The following ECE1 variants were observed in gnomAD, a reference collection of about 807,000 sequenced individuals.
The protein encoded by ECE1 is endothelin-converting enzyme 1.
Under a neutral mutation model 98.6 loss-of-function variants are expected in ECE1, and 35 were observed. That is an observed-to-expected ratio of 0.35 (90% CI 0.27 to 0.47). The LOEUF is 0.47. ECE1 is among the 20% of genes least tolerant of loss of function. ECE1 has a pLI of 1.00. For synonymous variants in ECE1, 394 were observed against 407.1 expected, an observed-to-expected ratio of 0.97 and a Z score of 0.39; for missense variants, 814 against 1,025.3, an observed-to-expected ratio of 0.79 and a Z score of 2.81.
chr1:21,222,841 C>CAAAA (rs888811259), intron 17 of ECE1, among the ~76,000 whole-genome samples: 4 of 27,786 alleles, frequency 1.4e-4, no homozygotes, highest in Non-Finnish European at 2.5e-4. Context: ...GACCCTGTCT[C>CAAAA]AAAAAAAAAA....
chr1:21,280,639 A>G (rs1553364997), intron 2 of ECE1, among the ~76,000 whole-genome samples: 3 of 152,174 alleles, frequency 2.0e-5, no homozygotes, highest in Non-Finnish European at 1.5e-5. Context: ...CTGTCAGGGA[A>G]GATGAGGAGA....
At position 21,258,635 on chromosome 1, in the gene ECE1, CA is replaced by C; in HGVS notation, c.762+57del. On this transcript the variant is annotated intron_variant, in intron 6 of 18. Transcript: ENST00000374893. This position sits in a 1 kb window ranked among gnomAD's most constrained non-coding sequence, Gnocchi z 4.2. ...CTCCCACCCCAGGTCCTGCTAAACT[CA>C]AAACAGGAAGAGGTCGTGCCCGCCC... 7.1e-7 allele frequency: 1 copy of C among 1,401,942 alleles called. No individual in the cohort carries two copies. The highest frequency in any genetic ancestry group is 1.1e-5 in the South Asian group (1 of 88,128). The allele number at this position is 1,401,942 out of a possible 1,614,324, so 86.8% of individuals were successfully genotyped here.
At chr1:21,342,607 TACACACACACACACACACACAC>T in intron 1 of ECE1, among the ~76,000 whole-genome samples, 1 of 139,724 alleles carries the variant, frequency 7.2e-6, no homozygotes, top group East Asian at 2.1e-4. Context: ...CACACACAGA[TACACACACACACACACACACAC>T]ACACACACAC....
rs996877011 is a variant in ECE1, at chr1:21,251,192, C to T, written c.1021-3829G>A. 3.3e-5 allele frequency among the ~76,000 whole-genome samples: 5 copies of T among 151,842 alleles called. No individual in the cohort carries two copies. The East Asian group carries it at 9.7e-4, about 30-fold the overall frequency. On this transcript the variant is annotated intron_variant, in intron 8 of 18. Coordinates refer to ENST00000374893, the MANE Select transcript of ECE1 (RefSeq NM_001397.3). Reference sequence around the variant, plus strand: ...GGTGAATTTGTGAGGAGGGCAGGTCCTGAAGGCAGTGGCGTGCTGGTAAAC... The same window carrying T: ...GGTGAATTTGTGAGGAGGGCAGGTCTTGAAGGCAGTGGCGTGCTGGTAAAC...
At position 21,245,011 on chromosome 1, in the gene ECE1, T is replaced by G. The variant is rs778052178; in HGVS notation, c.1256A>C (p.Glu419Ala). ...RFQDADEKFMEVMYGTKKTCL... is the reference protein window; with the variant it reads ...RFQDADEKFMAVMYGTKKTCL... ...CACCTTCTTGGTCCCGTACATGACT[T>G]CCATGAACTTCTCATCGGCGTCCTG... The change falls in exon 10 of 19, where the codon GAA becomes GCA. Residue 419 changes from glutamate to alanine, a missense_variant. Glu to Ala is a moderately radical substitution (Grantham distance 107, BLOSUM62 -1). Transcript: ENST00000374893. The G allele has an allele frequency of 6.8e-6, 11 of 1,614,190 alleles. No individual in the cohort carries two copies. Among genetic ancestry groups the G allele is most frequent in the Non-Finnish European group, 9.3e-6 (11 of 1,180,026 alleles).
chr1:21,263,347 CTTT>C (rs570725922), intron 4 of ECE1, among the ~76,000 whole-genome samples: 1 of 145,036 alleles, frequency 6.9e-6, no homozygotes, highest in Non-Finnish European at 1.5e-5. Context: ...CTAAGGTTTC[CTTT>C]TTTTATATTT....
intron 17 of ECE1, among the ~76,000 whole-genome samples, chr1:21,223,527 C>T (rs559534319): frequency 3.9e-5 from 6 of 152,288 alleles, no homozygotes; most frequent in Admixed American, 1.3e-4. Flanking sequence ...AGTGCAGTGG[C>T]GCGAACTTGG....
intron 3 of ECE1, among the ~76,000 whole-genome samples, chr1:21,273,533 C>T (rs2103325320): frequency 6.6e-6 from 1 of 152,090 alleles, no homozygotes; most frequent in African/African-American, 2.4e-5. Flanking sequence ...TTACTATGTG[C>T]CAAAAGGGTG....
At chr1:21,297,075 A>G (rs1638372829) in intron 1 of ECE1, among the ~76,000 whole-genome samples, 1 of 152,232 alleles carries the variant, frequency 6.6e-6, no homozygotes, top group East Asian at 1.9e-4. Flanking sequence ...CCTGTGAGCC[A>G]ACCACTCTGG....
chr1:21,294,078 ACCCACTGACT>A (rs1638281416), upstream of ECE1: 1 of 152,514 alleles, frequency 6.6e-6, no homozygotes, highest in Non-Finnish European at 1.5e-5. The surrounding 1 kb of genome is among the most constrained non-coding windows in gnomAD (Gnocchi z 4.2). Flanking sequence ...CCCTTGCCAA[ACCCACTGACT>A]CCATTACGCT....
At chr1:21,264,698 G>A (rs770572589) in intron 4 of ECE1, among the ~76,000 whole-genome samples, 6 of 152,188 alleles carry the variant, frequency 3.9e-5, no homozygotes, top group Non-Finnish European at 8.8e-5. Context: ...ATTCTTGCAG[G>A]ACAAAGCATC....
At chr1:21,305,380 A>C (rs569048952) in intron 1 of ECE1, among the ~76,000 whole-genome samples, 38 of 152,334 alleles carry the variant, frequency 2.5e-4, no homozygotes, top group Admixed American at 2.5e-3. Flanking sequence ...GAATGAAGGC[A>C]AAAGAAATAA....
upstream of ECE1, among the ~76,000 whole-genome samples, chr1:21,294,622 A>G (rs1638302292): frequency 6.6e-6 from 1 of 152,224 alleles, no homozygotes; most frequent in Non-Finnish European, 1.5e-5. This position sits in a 1 kb window ranked among gnomAD's most constrained non-coding sequence, Gnocchi z 4.2. Context: ...GTGAGCAGAA[A>G]CGAGAAATAT....
chr1:21,302,211 C>A (rs570523091), intron 1 of ECE1, among the ~76,000 whole-genome samples: 1 of 152,242 alleles, frequency 6.6e-6, no homozygotes, highest in Non-Finnish European at 1.5e-5. Flanking sequence ...TCCAGCCCCA[C>A]GCCACCTGTT....
intron 17 of ECE1, chr1:21,222,155 C>G: frequency 2.4e-6 from 1 of 417,546 alleles, no homozygotes; most frequent in South Asian, 2.2e-5. Flanking sequence ...ATAAACAGAG[C>G]CACATCGTGT....
chr1:21,260,275 T>G lies in ECE1; in HGVS notation c.611A>C (p.Glu204Ala). The G allele has an allele frequency of 6.2e-7, 1 of 1,614,240 alleles. No homozygotes were observed. The highest frequency in any genetic ancestry group is 1.3e-5 in the African/African-American group (1 of 75,064). Residue 204 changes from glutamate (E) to alanine (A), a missense_variant, in exon 5 of 19, where the codon GAG (glutamate) becomes GCG (alanine). This residue lies in a region of ECE1 where 257 missense variants were observed against 278.9 expected (regional missense o/e 0.92). Coordinates refer to ENST00000374893, the MANE Select transcript of ECE1 (RefSeq NM_001397.3). The surrounding 1 kb of genome is among the most constrained non-coding windows in gnomAD (Gnocchi z 4.3). Reference sequence around the variant, plus strand: ...GGGAGAGCCCGAGGCACTCACCCTCTCAATCAACTCCATTAGAGGTTTGGC... The same window carrying G: ...GGGAGAGCCCGAGGCACTCACCCTCGCAATCAACTCCATTAGAGGTTTGGC... ...LRAKPLMELI[E>A]RLGGWNITGP...
intron 5 of ECE1, among the ~76,000 whole-genome samples, chr1:21,259,207 AG>A (rs1421082809): frequency 6.6e-6 from 1 of 152,216 alleles, no homozygotes; most frequent in African/African-American, 2.4e-5. Context: ...GGGATAAAAA[AG>A]GCTCCACATG....
intron 17 of ECE1, among the ~76,000 whole-genome samples, chr1:21,222,956 T>C (rs1352776303): frequency 6.6e-6 from 1 of 151,156 alleles, no homozygotes; most frequent in Non-Finnish European, 1.5e-5. Flanking sequence ...GCCCATGGGC[T>C]GTAGGTGTGC....
chr1:21,227,130 G>A (rs771210388), intron 16 of ECE1, 29 bp downstream of exon 16: 1 of 1,610,884 alleles, frequency 6.2e-7, no homozygotes, highest in African/African-American at 1.3e-5. Flanking sequence ...TTACAGGCAT[G>A]AGCCATCGTG....
Sources: gnomAD v4.1 joint callset for allele counts (sites outside exome capture counted in the v4.1 genomes callset) on GRCh38, gnomAD v4.1.1 for gene constraint, gnomAD v4.1.1 regional missense constraint, Gnocchi (gnomAD v3.1) non-coding constraint, MANE v1.5 for transcripts, NCBI Gene and HGNC (gene_info 2026-07-23, HGNC 2026-07-21) for gene names.